Variants in ARL6 observed in about 807,000 individuals in gnomAD.
ARL6 encodes ARF like GTPase 6.
Under a neutral mutation model 27.1 loss-of-function variants are expected in ARL6, and 18 were observed. The ratio of observed to expected loss-of-function variants is 0.66; its 90% CI spans 0.46 to 0.98. The LOEUF (loss-of-function observed/expected upper bound fraction) is 0.98, where lower values mean the gene tolerates loss of function less well. Among genes scored for constraint, ARL6 ranks in the 50% least tolerant of loss-of-function variants. ARL6 has a pLI of 0.00. For synonymous variants in ARL6, 65 were observed against 72.3 expected (o/e 0.90, Z 0.51); for missense variants, 187 against 214.9 (o/e 0.87, Z 0.81).
intron 7 of ARL6, among the ~76,000 whole-genome samples, chr3:97,792,300 T>C (rs889863570): frequency 2.6e-5 from 4 of 152,108 alleles, no homozygotes; most frequent in African/African-American, 9.7e-5. Context: ...GAGGCCAACA[T>C]GGTGAAACCC....
chr3:97,791,923 TTTC>T, intron 7 of ARL6, 97 bp downstream of exon 7: 1 of 1,075,904 alleles, frequency 9.3e-7, no homozygotes, highest in Non-Finnish European at 1.4e-6. Context: ...CATTGCCTTT[TTTC>T]CTCTTTCCAT....
intron 2 of ARL6, among the ~76,000 whole-genome samples, chr3:97,769,638 C>A (rs926714065): frequency 6.6e-6 from 1 of 151,884 alleles, no homozygotes; most frequent in African/African-American, 2.4e-5. Context: ...AGTCTTATTC[C>A]TTTATCTAAC....
chr3:97,779,885 A>C (rs970908226), intron 2 of ARL6, among the ~76,000 whole-genome samples: 5 of 151,790 alleles, frequency 3.3e-5, no homozygotes, highest in African/African-American at 1.2e-4. Context: ...AAAAACACTT[A>C]TTAAACCACT....
At chr3:97,772,017 C>T (rs1384335722) in intron 2 of ARL6, among the ~76,000 whole-genome samples, 6 of 152,020 alleles carry the variant, frequency 3.9e-5, no homozygotes, top group South Asian at 2.1e-4. Flanking sequence ...TGACTAGTTT[C>T]GGTGTCAGAT....
At chr3:97,786,845 T>C (rs1180398897) in intron 5 of ARL6, among the ~76,000 whole-genome samples, 3 of 152,194 alleles carry the variant, frequency 2.0e-5, no homozygotes, top group Non-Finnish European at 1.5e-5. Flanking sequence ...TTTGAATATA[T>C]GGAAAGATTC....
chr3:97,791,055 A>G (rs1042098907), intron 6 of ARL6, among the ~76,000 whole-genome samples: 4 of 152,248 alleles, frequency 2.6e-5, no homozygotes, highest in South Asian at 2.1e-4. Flanking sequence ...CTTAATTATG[A>G]TTATACATAA....
At chr3:97,767,770 G>A (rs1397374005) in intron 1 of ARL6, among the ~76,000 whole-genome samples, 2 of 152,010 alleles carry the variant, frequency 1.3e-5, no homozygotes, top group Non-Finnish European at 2.9e-5. Flanking sequence ...ATCACAATTC[G>A]CAGACTCCAA....
intron 2 of ARL6, among the ~76,000 whole-genome samples, chr3:97,777,759 A>AT (rs2036981573): frequency 6.6e-6 from 1 of 152,204 alleles, no homozygotes; most frequent in African/African-American, 2.4e-5. Flanking sequence ...TTAGAGGAAA[A>AT]TGAGTTCCAC....
At chr3:97,794,547 G>A (rs1424716367) in intron 7 of ARL6, among the ~76,000 whole-genome samples, 1 of 151,858 alleles carries the variant, frequency 6.6e-6, no homozygotes, top group Non-Finnish European at 1.5e-5. Flanking sequence ...ATAACAAATA[G>A]TTTATATTGT....
chr3:97,798,924 T>C lies in ARL6; in HGVS notation c.*875T>C, dbSNP rs746302229. 1.3e-5 allele frequency: 2 copies of C among 152,128 alleles called. No individual in the cohort carries two copies. The highest frequency in any genetic ancestry group is 2.4e-5 in the African/African-American group (1 of 41,474). The allele number at this position is 152,128 out of a possible 1,614,324, so 9.4% of individuals were successfully genotyped here. Reference sequence around the variant, plus strand: ...TTTTCACTTTTAAATGCCTCCAATTTACCATAGCACTTTGTTAAAATAAAT... The same window carrying C: ...TTTTCACTTTTAAATGCCTCCAATTCACCATAGCACTTTGTTAAAATAAAT... On this transcript the variant is annotated 3_prime_UTR_variant, in exon 8 of 8. Coordinates refer to ENST00000463745, the MANE Select transcript of ARL6 (RefSeq NM_001278293.3).
chr3:97,797,719 G>T (rs2038070370), intron 7 of ARL6, among the ~76,000 whole-genome samples: 1 of 152,104 alleles, frequency 6.6e-6, no homozygotes, highest in Admixed American at 6.6e-5. Context: ...CTATGCAAAT[G>T]TACAACTTTG....
chr3:97,785,171 C>A, intron 5 of ARL6, 122 bp downstream of exon 5: 1 of 699,090 alleles, frequency 1.4e-6, no homozygotes, highest in Non-Finnish European at 2.4e-6. Context: ...GAATTTAAAA[C>A]ATATATGTTA....
intron 1 of ARL6, 75 bp from the exon 2 acceptor site, chr3:97,768,006 T>A (rs2036464117): frequency 7.5e-7 from 1 of 1,341,978 alleles, no homozygotes; most frequent in African/African-American, 1.5e-5. Flanking sequence ...TTATTACCTT[T>A]TTTTAATACA....
chr3:97,786,621 T>C (rs929239699), intron 5 of ARL6, among the ~76,000 whole-genome samples: 6 of 152,048 alleles, frequency 3.9e-5, no homozygotes, highest in South Asian at 4.2e-4. Flanking sequence ...TTTAAAAAAA[T>C]TGATGGCCAT....
intron 1 of ARL6, 125 bp downstream of exon 1, chr3:97,765,102 G>A (rs2036305143): frequency 6.6e-6 from 1 of 152,094 alleles, no homozygotes; most frequent in South Asian, 2.1e-4. Context: ...TGTATGAGAA[G>A]TAGAAAAGAA....
chr3:97,770,110 C>T (rs2036570227), intron 2 of ARL6, among the ~76,000 whole-genome samples: 1 of 152,092 alleles, frequency 6.6e-6, no homozygotes, highest in South Asian at 2.1e-4. Flanking sequence ...AAACACTATA[C>T]TGTTTTCCAT....
intron 5 of ARL6, among the ~76,000 whole-genome samples, chr3:97,785,547 A>G (rs1216934470): frequency 6.6e-6 from 1 of 151,762 alleles, no homozygotes; most frequent in Non-Finnish European, 1.5e-5. Context: ...TGTGGGGACT[A>G]TCATTGTTAT....
At chr3:97,766,429 T>C (rs991704744) in intron 1 of ARL6, among the ~76,000 whole-genome samples, 2 of 152,212 alleles carry the variant, frequency 1.3e-5, no homozygotes, top group Admixed American at 6.5e-5. Context: ...GAAAAGCAGA[T>C]TGAAGTGGCA....
intron 2 of ARL6, among the ~76,000 whole-genome samples, chr3:97,770,306 T>C (rs1343293246): frequency 6.6e-6 from 1 of 152,148 alleles, no homozygotes; most frequent in Admixed American, 6.5e-5. Context: ...TTTTTTCATA[T>C]GCCTGTTGGC....
Sources: gnomAD v4.1 joint callset for allele counts (sites outside exome capture counted in the v4.1 genomes callset) on GRCh38, gnomAD v4.1.1 for gene constraint, MANE v1.5 for transcripts, NCBI Gene and HGNC (gene_info 2026-07-23, HGNC 2026-07-21) for gene names.